EPM2A: variants seen among roughly 807,000 people sequenced by gnomAD.
The protein encoded by EPM2A is EPM2A glucan phosphatase, laforin.
Under a neutral mutation model 26.5 loss-of-function variants are expected in EPM2A, and 21 were observed. The ratio of observed to expected loss-of-function variants is 0.79; its 90% CI spans 0.56 to 1.14. The LOEUF is 1.14. Ranked by LOEUF, EPM2A falls within the 50% of genes most tolerant of loss-of-function variation. EPM2A has a pLI of 0.00. For missense variants in EPM2A, 458 were observed against 440.8 expected (o/e 1.04, Z -0.35); for synonymous variants, 217 against 177.6 (o/e 1.22, Z -1.76).
intron 4 of EPM2A, among the ~76,000 whole-genome samples, chr6:145,465,850 T>C (rs1232186111): frequency 1.3e-5 from 2 of 152,062 alleles, no homozygotes; most frequent in African/African-American, 4.8e-5. Flanking sequence ...TACAACTATC[T>C]GATCTTTGAC....
chr6:145,663,617 C>G (rs1055638202), intron 2 of EPM2A, among the ~76,000 whole-genome samples: 4 of 151,260 alleles, frequency 2.6e-5, no homozygotes, highest in Admixed American at 6.6e-5. Context: ...AGAACTTCCC[C>G]AATCTAGCAA....
chr6:145,526,405 C>T (rs1421119982), intron 2 of EPM2A, among the ~76,000 whole-genome samples: 1 of 151,990 alleles, frequency 6.6e-6, no homozygotes, highest in Non-Finnish European at 1.5e-5. Flanking sequence ...GTTGTGAATC[C>T]ATCTAGTCCA....
chr6:145,495,453 G>A (rs530572124), intron 4 of EPM2A, among the ~76,000 whole-genome samples: 5 of 152,138 alleles, frequency 3.3e-5, no homozygotes, highest in African/African-American at 1.2e-4. Context: ...GCTTGCCACT[G>A]TGTTTCTTAA....
intron 4 of EPM2A, among the ~76,000 whole-genome samples, chr6:145,482,230 T>G (rs1324068951): frequency 6.6e-6 from 1 of 152,176 alleles, no homozygotes; most frequent in Non-Finnish European, 1.5e-5. Flanking sequence ...GATAATAAAT[T>G]ATATCGTTAG....
intron 4 of EPM2A, among the ~76,000 whole-genome samples, chr6:145,465,709 T>C (rs1205265420): frequency 6.6e-6 from 1 of 151,992 alleles, no homozygotes; most frequent in Non-Finnish European, 1.5e-5. Flanking sequence ...CAGCTGCAGG[T>C]CTGTTGGAGT....
chr6:145,509,083 A>G (rs900070342), intron 2 of EPM2A, among the ~76,000 whole-genome samples: 16 of 152,208 alleles, frequency 1.1e-4, no homozygotes, highest in Non-Finnish European at 2.9e-5. Flanking sequence ...TGAGAAATAT[A>G]GGATTATGTA....
At chr6:145,624,422 C>T (rs893490012), downstream of EPM2A, among the ~76,000 whole-genome samples, 2 of 152,280 alleles carry the variant, frequency 1.3e-5, no homozygotes, top group South Asian at 4.1e-4. Flanking sequence ...TTAATCCTTG[C>T]ACCACTTCTT....
At chr6:145,393,131 T>A (rs1778359820) in intron 4 of EPM2A, among the ~76,000 whole-genome samples, 1 of 152,142 alleles carries the variant, frequency 6.6e-6, no homozygotes, top group South Asian at 2.1e-4. Flanking sequence ...GTACTCCCGT[T>A]AAGCCATGAT....
At chr6:145,436,323 T>C (rs1778987881) in intron 4 of EPM2A, among the ~76,000 whole-genome samples, 1 of 152,234 alleles carries the variant, frequency 6.6e-6, no homozygotes, top group Non-Finnish European at 1.5e-5. Flanking sequence ...AGATTTTGTG[T>C]GAACGTATCT....
At chr6:145,593,316 T>G (rs1214267218) in intron 2 of EPM2A, among the ~76,000 whole-genome samples, 1 of 152,120 alleles carries the variant, frequency 6.6e-6, no homozygotes, top group Non-Finnish European at 1.5e-5. Context: ...ACTGGTAAAC[T>G]GCAAGAAGAA....
intron 2 of EPM2A, among the ~76,000 whole-genome samples, chr6:145,685,800 C>T (rs1406497240): frequency 6.6e-6 from 1 of 152,118 alleles, no homozygotes; most frequent in Non-Finnish European, 1.5e-5. Flanking sequence ...ATAAAGGACA[C>T]AAATATTAAT....
At chr6:145,705,258 G>A (rs1782151890) in intron 1 of EPM2A, among the ~76,000 whole-genome samples, 1 of 152,072 alleles carries the variant, frequency 6.6e-6, no homozygotes, top group Admixed American at 6.6e-5. Context: ...AGACCAGCCT[G>A]GGCAACATGG....
At chr6:145,682,487 T>C (rs553977279) in intron 2 of EPM2A, 1 of 152,248 alleles carries the variant, frequency 6.6e-6, no homozygotes, top group South Asian at 2.1e-4. Context: ...TCATAAAGAT[T>C]TCCTTGAATT....
At chr6:145,630,151 A>G (rs938768585) in intron 3 of EPM2A, 7 of 152,144 alleles carry the variant, frequency 4.6e-5, no homozygotes, top group African/African-American at 1.7e-4. Context: ...TCAGGCACAC[A>G]CTCCTGAAAG....
In EPM2A at chr6:145,673,489, G is replaced by A. The variant is rs1316234080; in HGVS notation, c.476+12633C>T. Among the ~76,000 whole-genome samples, 3 of 152,320 alleles carry A rather than the reference G, an allele frequency of 2.0e-5. No individual in the cohort carries two copies. The East Asian group carries it at 5.8e-4, about 29-fold the overall frequency. Reference sequence around the variant, plus strand: ...GGCGGCGCATTGCCTCACTCAGGAAGTGCAAGGGGTAGGGGGATTTCCCTT... The same window carrying A: ...GGCGGCGCATTGCCTCACTCAGGAAATGCAAGGGGTAGGGGGATTTCCCTT... On this transcript the variant is annotated intron_variant, in intron 2 of 3. Transcript: ENST00000367519.
intron 4 of EPM2A, chr6:145,489,692 C>T (rs368717430): frequency 5.0e-6 from 7 of 1,399,978 alleles, no homozygotes; most frequent in East Asian, 2.3e-5. Flanking sequence ...TCAGAATCCA[C>T]TGTTGGCTTG....
intron 4 of EPM2A, among the ~76,000 whole-genome samples, chr6:145,494,848 A>C (rs562542155): frequency 6.6e-6 from 1 of 152,254 alleles, no homozygotes; most frequent in East Asian, 1.9e-4. Context: ...CTGCTCAGAG[A>C]GACTGTTTGT....
intron 4 of EPM2A, among the ~76,000 whole-genome samples, chr6:145,479,150 C>T (rs569829833): frequency 4.6e-5 from 7 of 150,964 alleles, no homozygotes; most frequent in African/African-American, 1.7e-4. Flanking sequence ...AGTAGATTGA[C>T]GTCTTCCAGT....
At chr6:145,528,384 T>C (rs1055498582) in intron 2 of EPM2A, among the ~76,000 whole-genome samples, 1 of 152,126 alleles carries the variant, frequency 6.6e-6, no homozygotes, top group Non-Finnish European at 1.5e-5. Flanking sequence ...TCTCAAAGAA[T>C]AGCCTATCTC....
Sources: gnomAD v4.1 joint callset for allele counts (sites outside exome capture counted in the v4.1 genomes callset) on GRCh38, gnomAD v4.1.1 for gene constraint, MANE v1.5 for transcripts, NCBI Gene and HGNC (gene_info 2026-07-23, HGNC 2026-07-21) for gene names.